STK4: variants seen among roughly 807,000 people sequenced by gnomAD.
STK4 encodes the protein serine/threonine-protein kinase 4.
A neutral mutation model predicts 64.9 loss-of-function variants in STK4; 30 were observed. That is an observed-to-expected ratio of 0.46 (90% CI 0.35 to 0.63). The LOEUF (loss-of-function observed/expected upper bound fraction) is 0.63, where lower values mean the gene tolerates loss of function less well. Ranked by LOEUF, STK4 falls within the 20% of genes least tolerant of loss-of-function variation. The pLI is 0.01. For synonymous variants in STK4, 177 were observed against 199.0 expected (o/e 0.89, Z 0.93); for missense variants, 466 against 598.5 (o/e 0.78, Z 2.31).
At chr20:45,014,381 G>C (rs1040879059) in intron 9 of STK4, among the ~76,000 whole-genome samples, 3 of 151,996 alleles carry the variant, frequency 2.0e-5, no homozygotes, top group African/African-American at 7.3e-5. Flanking sequence ...GGCCAAGATC[G>C]TACCACTACA....
intron 9 of STK4, among the ~76,000 whole-genome samples, chr20:45,020,960 T>A (rs1476839359): frequency 6.6e-6 from 1 of 151,990 alleles, no homozygotes; most frequent in Non-Finnish European, 1.5e-5. Flanking sequence ...CACAGGTGCG[T>A]GCCACCACAC....
intron 10 of STK4, among the ~76,000 whole-genome samples, chr20:45,040,735 T>C (rs1485026592): frequency 6.6e-6 from 1 of 152,080 alleles, no homozygotes; most frequent in East Asian, 1.9e-4. Context: ...GGTCATTTTT[T>C]TCTAAGCCTT....
chr20:44,988,388 G>A (rs566302622), intron 5 of STK4, among the ~76,000 whole-genome samples: 3 of 151,330 alleles, frequency 2.0e-5, no homozygotes, highest in South Asian at 2.1e-4. Context: ...GGTAGCGCAC[G>A]CCTGTAATCT....
At chr20:44,976,410 T>C (rs1037113600) in intron 2 of STK4, among the ~76,000 whole-genome samples, 2 of 152,296 alleles carry the variant, frequency 1.3e-5, no homozygotes, top group East Asian at 1.9e-4. Flanking sequence ...AGCCCTCAGA[T>C]TGAAGAAGTT....
intron 2 of STK4, among the ~76,000 whole-genome samples, chr20:44,973,663 G>C (rs2067290423): frequency 6.6e-6 from 1 of 152,198 alleles, no homozygotes; most frequent in African/African-American, 2.4e-5. Flanking sequence ...GCTGACCTGG[G>C]TTAAAATCCT....
At chr20:45,019,977 C>T (rs1249072817) in intron 9 of STK4, among the ~76,000 whole-genome samples, 1 of 152,030 alleles carries the variant, frequency 6.6e-6, no homozygotes, top group African/African-American at 2.4e-5. Context: ...TTACATTTCC[C>T]CACTCTTTCT....
chr20:44,967,102 G>T, intron 1 of STK4: 1 of 978,126 alleles, frequency 1.0e-6, no homozygotes, highest in Non-Finnish European at 1.2e-6. Flanking sequence ...CTGAAAGCAT[G>T]CGAGGAAAGG....
chr20:45,074,266 C>T (rs1980325556), intron 10 of STK4, among the ~76,000 whole-genome samples: 2 of 152,126 alleles, frequency 1.3e-5, no homozygotes, highest in Non-Finnish European at 2.9e-5. Flanking sequence ...ATGTAAAGCA[C>T]TCAGTGTCTG....
chr20:45,049,596 C>G (rs1164010216), intron 10 of STK4, among the ~76,000 whole-genome samples: 1 of 152,168 alleles, frequency 6.6e-6, no homozygotes, highest in Non-Finnish European at 1.5e-5. Context: ...TGGAACTCTT[C>G]CCTTTGCCAG....
chr20:45,017,706 A>G (rs185769196), intron 9 of STK4, among the ~76,000 whole-genome samples: 1 of 152,356 alleles, frequency 6.6e-6, no homozygotes, highest in East Asian at 1.9e-4. Flanking sequence ...TGCAAGAACC[A>G]AGATGTGGAC....
chr20:45,054,810 G>C lies in STK4; in HGVS notation c.1306-20208G>C, dbSNP rs373027584. Among the ~76,000 whole-genome samples the C allele has an allele frequency of 5.3e-5, 8 of 152,198 alleles. 1 individual carries two copies. Among genetic ancestry groups the C allele is most frequent in the East Asian group, 1.9e-4 (1 of 5,188 alleles). ...AATGTATGGCTGCTAATAATGAACA[G>C]TTAATGCTTAAAAAATTCTGGCTTT... On this transcript the variant is annotated intron_variant, in intron 10 of 10. Coordinates refer to ENST00000372806, the MANE Select transcript of STK4 (RefSeq NM_006282.5).
intron 10 of STK4, among the ~76,000 whole-genome samples, chr20:45,038,088 A>G (rs1289811021): frequency 1.3e-5 from 2 of 152,158 alleles, no homozygotes; most frequent in Non-Finnish European, 2.9e-5. Context: ...TTTATTTCAA[A>G]GTGACTCTAA....
chr20:45,018,517 A>C (rs2068184669), intron 9 of STK4, among the ~76,000 whole-genome samples: 2 of 152,254 alleles, frequency 1.3e-5, no homozygotes, highest in South Asian at 4.2e-4. Context: ...ATTATGTTGT[A>C]GTTCATATGA....
At chr20:45,003,220 T>G (rs1385129126) in intron 9 of STK4, among the ~76,000 whole-genome samples, 1 of 152,084 alleles carries the variant, frequency 6.6e-6, no homozygotes, top group Non-Finnish European at 1.5e-5. Flanking sequence ...CAGGCTGGTT[T>G]TGGGCTCCTG....
In STK4 at chr20:45,001,265, T is replaced by C. The variant is rs1422225786; in HGVS notation, c.1059T>C (p.Thr353=). 1.2e-6 allele frequency: 2 copies of C among 1,614,184 alleles called. No homozygotes were observed. The highest frequency in any genetic ancestry group is 1.7e-6 in the Non-Finnish European group (2 of 1,180,020). ...VASTMTDGAN[T]MIEHDDTLPS... is the part of the protein sequence containing the mutation. ...GCACCATGACTGATGGAGCCAATAC[T>C]ATGATTGAGCACGATGACACGTTGC... Residue 353 remains threonine (T), a synonymous_variant, in exon 9 of 11, where the codon ACT becomes ACC. Transcript: ENST00000372806.
chr20:45,061,227 G>T (rs907302598), intron 10 of STK4, among the ~76,000 whole-genome samples: 1 of 152,300 alleles, frequency 6.6e-6, no homozygotes, highest in Non-Finnish European at 1.5e-5. Context: ...TTCTAAGCAT[G>T]CAAAATACTA....
At position 45,056,999 on chromosome 20, in the gene STK4, A is replaced by C. The variant is rs75859565; in HGVS notation, c.1306-18019A>C. 9.2e-5 allele frequency among the ~76,000 whole-genome samples: 14 copies of C among 152,360 alleles called. No individual in the cohort carries two copies. In the East Asian group the frequency reaches 2.1e-3, roughly 23 times the overall value. ...CTGGAGTGCTGGCAGAGAGCAGGCCATCCAGTGGGTTACTGGCCATCCGGT... is the reference window on the plus strand; with the variant it reads ...CTGGAGTGCTGGCAGAGAGCAGGCCCTCCAGTGGGTTACTGGCCATCCGGT... On this transcript the variant is annotated intron_variant, in intron 10 of 10. Coordinates refer to ENST00000372806, the MANE Select transcript of STK4 (RefSeq NM_006282.5).
At chr20:45,062,502 C>T (rs1250681427) in intron 10 of STK4, among the ~76,000 whole-genome samples, 2 of 152,252 alleles carry the variant, frequency 1.3e-5, no homozygotes, top group African/African-American at 2.4e-5. Context: ...GGAATCACCA[C>T]GCTGCTTTCT....
chr20:45,067,889 T>G (rs1042559509), intron 10 of STK4, among the ~76,000 whole-genome samples: 6 of 152,220 alleles, frequency 3.9e-5, no homozygotes, highest in African/African-American at 1.4e-4. Flanking sequence ...TTAGGGTTTC[T>G]CACATAGAGT....
Sources: gnomAD v4.1 joint callset for allele counts (sites outside exome capture counted in the v4.1 genomes callset) on GRCh38, gnomAD v4.1.1 for gene constraint, MANE v1.5 for transcripts, NCBI Gene and HGNC (gene_info 2026-07-23, HGNC 2026-07-21) for gene names.